The following ZNF37A variants were observed in gnomAD, a reference collection of about 807,000 sequenced individuals.
The protein encoded by ZNF37A is zinc finger protein 37A, also known as zinc finger protein 37a (KOX 21).
In ZNF37A, 10 loss-of-function variants were observed where a neutral mutation model predicts 12.3. That is an observed-to-expected ratio of 0.82 (90% CI 0.50 to 1.38). ZNF37A has a LOEUF of 1.38. Ranked by LOEUF, ZNF37A falls within the 40% of genes most tolerant of loss-of-function variation. The probability of loss-of-function intolerance (pLI) is 0.00; values close to 1 mark genes in which losing one functional copy is unlikely to be tolerated. For synonymous variants in ZNF37A, 207 were observed against 223.0 expected (o/e 0.93, Z 0.64); for missense variants, 580 against 651.2 (o/e 0.89, Z 1.19).
At chr10:38,129,693 TG>T (rs2136074689), downstream of ZNF37A, among the ~76,000 whole-genome samples, 1 of 152,348 alleles carries the variant, frequency 6.6e-6, no homozygotes, top group South Asian at 2.1e-4. Context: ...AGAGATTTCA[TG>T]TATTAGGTTT....
intron 5 of ZNF37A, among the ~76,000 whole-genome samples, chr10:38,104,107 G>A (rs747391948): frequency 6.6e-6 from 1 of 152,052 alleles, no homozygotes; most frequent in Non-Finnish European, 1.5e-5. Flanking sequence ...CCCACCCCTG[G>A]CCCCATGTGT....
At chr10:38,095,430 A>G (rs2067073805) in intron 2 of ZNF37A, 108 bp from the exon 3 acceptor site, 1 of 152,440 alleles carries the variant, frequency 6.6e-6, no homozygotes, top group Non-Finnish European at 1.5e-5. Context: ...AGGAGCAGAC[A>G]GCACCGCTTC....
chr10:38,103,057 C>T (rs1021889783), intron 5 of ZNF37A, among the ~76,000 whole-genome samples: 1 of 152,118 alleles, frequency 6.6e-6, no homozygotes, highest in African/African-American at 2.4e-5. Context: ...TCTTTAGAGT[C>T]TTGGACATAG....
At chr10:38,096,196 G>A (rs1286661922) in intron 4 of ZNF37A, among the ~76,000 whole-genome samples, 3 of 152,054 alleles carry the variant, frequency 2.0e-5, no homozygotes, top group Admixed American at 2.0e-4. Context: ...AAAAAAACTG[G>A]GCTGAAAAAT....
At chr10:38,109,476 G>A (rs1330125513) in intron 5 of ZNF37A, among the ~76,000 whole-genome samples, 1 of 152,150 alleles carries the variant, frequency 6.6e-6, no homozygotes, top group Non-Finnish European at 1.5e-5. Flanking sequence ...ACATAGTATT[G>A]GAAGTTCTGG....
chr10:38,114,898 T>G lies in ZNF37A; in HGVS notation c.142+17T>G, dbSNP rs770760514. ...TCTCAGTAGGTAGGTAGGAATTGTTTCCCATGTAGAAGGCCAGAATGCATG... is the reference window on the plus strand; with the variant it reads ...TCTCAGTAGGTAGGTAGGAATTGTTGCCCATGTAGAAGGCCAGAATGCATG... On this transcript the variant is annotated intron_variant, in intron 6 of 7. Coordinates refer to ENST00000685332, the MANE Select transcript of ZNF37A (RefSeq NM_001324250.3). The G allele has an allele frequency of 3.1e-6, 5 of 1,601,248 alleles. No homozygotes were observed. The South Asian group carries it at 5.6e-5, about 18-fold the overall frequency.
rs2069846128 is a variant in ZNF37A at position 38,123,744 on chromosome 10, C to T, written c.*4907C>T. On this transcript the variant is annotated 3_prime_UTR_variant, in exon 8 of 8. Transcript: ENST00000685332. Reference sequence around the variant, plus strand: ...AACAGGCATATGAAAAGGTACTCAACATCATTGATCCATTAGAGAAATGCA... The same window carrying T: ...AACAGGCATATGAAAAGGTACTCAATATCATTGATCCATTAGAGAAATGCA... 1 of 152,174 alleles carries T rather than the reference C, an allele frequency of 6.6e-6. No individual in the cohort carries two copies. The highest frequency in any genetic ancestry group is 1.5e-5 in the Non-Finnish European group (1 of 68,038). 9.4% of individuals were successfully genotyped at this position (152,174 alleles called of 1,614,324 possible). A position where few individuals can be genotyped will look rare whatever the true frequency, so the allele number is the denominator to read the frequency against.
At position 38,124,342 on chromosome 10, in the gene ZNF37A, A is replaced by AG. The variant is rs1380244319; in HGVS notation, c.*5510dup. On this transcript the variant is annotated 3_prime_UTR_variant, in exon 8 of 8. Transcript: ENST00000685332. ...CGGGAAAGGCAGTGAGGGCATGGTG[A>AG]GGGGGAAGTGGGGAATGTTAACGGG... The AG allele has an allele frequency of 1.3e-5, 2 of 152,180 alleles. No individual in the cohort carries two copies. Among genetic ancestry groups the AG allele is most frequent in the African/African-American group, 4.8e-5 (2 of 41,438 alleles). The allele number at this position is 152,180 out of a possible 1,614,324, so 9.4% of individuals were successfully genotyped here.
intron 5 of ZNF37A, among the ~76,000 whole-genome samples, chr10:38,112,788 T>TCGGTCTCGG (rs1564932518): frequency 9.0e-6 from 1 of 111,346 alleles, no homozygotes; most frequent in African/African-American, 3.4e-5. Context: ...TTCTTTTCTT[T>TCGGTCTCGG]TCTTTTCTTG....
chr10:38,121,912 T>A lies in ZNF37A; in HGVS notation c.*3075T>A, dbSNP rs962437255. 6.6e-6 allele frequency: 1 copy of A among 152,062 alleles called. No individual in the cohort carries two copies. The highest frequency in any genetic ancestry group is 1.5e-5 in the Non-Finnish European group (1 of 68,014). 9.4% of individuals were successfully genotyped at this position (152,062 alleles called of 1,614,324 possible). On this transcript the variant is annotated 3_prime_UTR_variant, in exon 8 of 8. Coordinates refer to ENST00000685332, the MANE Select transcript of ZNF37A (RefSeq NM_001324250.3). Reference sequence around the variant, plus strand: ...GTCAGAGATTGGGAGAAATACAAGATGAGCCTGAATCATCTCATGTACCTG... The same window carrying A: ...GTCAGAGATTGGGAGAAATACAAGAAGAGCCTGAATCATCTCATGTACCTG...
At chr10:38,142,824 G>A (rs888613159) in intron 7 of ZNF37A, 1 of 152,112 alleles carries the variant, frequency 6.6e-6, no homozygotes, top group African/African-American at 2.4e-5. Flanking sequence ...CCTCCATGTA[G>A]GCCCATTTCT....
At chr10:38,114,632 C>A (rs1310980260) in intron 5 of ZNF37A, 123 bp from the exon 6 acceptor site, 12 of 1,179,260 alleles carry the variant, frequency 1.0e-5, no homozygotes, top group Non-Finnish European at 1.2e-5. Context: ...ATCATAGGGG[C>A]CCTTTATAAC....
intron 5 of ZNF37A, among the ~76,000 whole-genome samples, chr10:38,097,971 C>G (rs942401850): frequency 1.3e-5 from 2 of 152,156 alleles, no homozygotes; most frequent in Non-Finnish European, 2.9e-5. Flanking sequence ...AGCAGTTGCT[C>G]CCTTTTTCCC....
chr10:38,148,329 G>A (rs1479170492), exon 8 of ZNF37A: 4 of 152,238 alleles, frequency 2.6e-5, no homozygotes, highest in African/African-American at 9.6e-5. Context: ...GATTGTAGGA[G>A]AGTCATCAAC....
chr10:38,119,581 AT>A lies in ZNF37A; in HGVS notation c.*745del. 1 of 205,978 alleles carries A rather than the reference AT, an allele frequency of 4.9e-6. No homozygotes were observed. Among genetic ancestry groups the A allele is most frequent in the Non-Finnish European group, 8.5e-6 (1 of 117,464 alleles). The allele number at this position is 205,978 out of a possible 1,614,324, so 12.8% of individuals were successfully genotyped here. The stretch of plus-strand genomic sequence containing the variant: ...AGCAATTTAAGAAAATGTGGAAAAA[AT>A]ATTTTTATTGAGAAATAGCATTTTA... On this transcript the variant is annotated 3_prime_UTR_variant, in exon 8 of 8. Transcript: ENST00000685332.
chr10:38,130,317 G>A (rs1467734900), downstream of ZNF37A, among the ~76,000 whole-genome samples: 4 of 152,146 alleles, frequency 2.6e-5, no homozygotes, highest in South Asian at 2.1e-4. Context: ...TGGCTATTGC[G>A]AATGATGTGC....
chr10:38,129,319 A>AAAAAAAAAAAAAC, downstream of ZNF37A, among the ~76,000 whole-genome samples: 137 of 116,242 alleles, frequency 1.2e-3, 4 homozygotes, highest in African/African-American at 2.0e-3. Flanking sequence ...AAAAAAAAAA[A>AAAAAAAAAAAAAC]AAACTATTAT....
rs113810774 is a variant in ZNF37A, at chr10:38,121,780, G to C, written c.*2943G>C. Reference sequence around the variant, plus strand: ...GCATATATTTTGTGTTCATTCTACTGAGAGGACCTAAACACAATGACACCT... The same window carrying C: ...GCATATATTTTGTGTTCATTCTACTCAGAGGACCTAAACACAATGACACCT... On this transcript the variant is annotated 3_prime_UTR_variant, in exon 8 of 8. Coordinates refer to ENST00000685332, the MANE Select transcript of ZNF37A (RefSeq NM_001324250.3). The C allele has an allele frequency of 2.0e-5, 3 of 152,240 alleles. No individual in the cohort carries two copies. Among genetic ancestry groups the C allele is most frequent in the African/African-American group, 7.2e-5 (3 of 41,534 alleles). 9.4% of individuals were successfully genotyped at this position (152,240 alleles called of 1,614,324 possible).
chr10:38,120,496 T>C lies in ZNF37A; in HGVS notation c.*1659T>C, dbSNP rs1369507413. The stretch of plus-strand genomic sequence containing the variant: ...AGTAGTTGGCAGCAGAATGGACCCA[T>C]TGAGGATAACTATAAAATTACAGAA... On this transcript the variant is annotated 3_prime_UTR_variant, in exon 8 of 8. Coordinates refer to ENST00000685332, the MANE Select transcript of ZNF37A (RefSeq NM_001324250.3). The C allele has an allele frequency of 6.6e-6, 1 of 152,088 alleles. No individual in the cohort carries two copies. The highest frequency in any genetic ancestry group is 1.5e-5 in the Non-Finnish European group (1 of 68,020). The allele number at this position is 152,088 out of a possible 1,614,324, so 9.4% of individuals were successfully genotyped here.
Sources: allele counts gnomAD v4.1 joint callset (sites outside exome capture counted in the v4.1 genomes callset), GRCh38; gene constraint gnomAD v4.1.1; transcripts MANE v1.5; gene names NCBI Gene and HGNC (gene_info 2026-07-23, HGNC 2026-07-21).